The following SFI1 variants were observed in gnomAD, a reference collection of about 807,000 sequenced individuals.
SFI1 encodes the protein protein SFI1 homolog.
Under a neutral mutation model 207.5 loss-of-function variants are expected in SFI1, and 195 were observed. That is an observed-to-expected ratio of 0.94 (90% CI 0.84 to 1.06). The LOEUF (loss-of-function observed/expected upper bound fraction) is 1.06. Among genes scored for constraint, SFI1 ranks in the 50% least tolerant of loss-of-function variants. SFI1 has a pLI of 0.00. For synonymous variants in SFI1, 630 were observed against 598.9 expected (o/e 1.05, Z -0.76); for missense variants, 1,634 against 1,588.0 (o/e 1.03, Z -0.49).
intron 1 of SFI1, among the ~76,000 whole-genome samples, chr22:31,506,361 T>C (rs1440864603): frequency 2.0e-5 from 3 of 151,962 alleles, no homozygotes; most frequent in African/African-American, 7.3e-5. Flanking sequence ...AATTCTGTCT[T>C]TAAAAAAAAG....
chr22:31,528,345 G>T (rs987608657), intron 2 of SFI1, among the ~76,000 whole-genome samples: 1 of 151,672 alleles, frequency 6.6e-6, no homozygotes, highest in Admixed American at 6.6e-5. Context: ...GATCACTTGA[G>T]CCTGGGAGGT....
Position 31,618,565 on chromosome 22 carries a change from C to A in SFI1, c.*147C>A. On this transcript the variant is annotated 3_prime_UTR_variant, in exon 33 of 33. Transcript: ENST00000400288. ...TACTGTTCAGAAGTCTCCCACTTTT[C>A]ATACAAAAATACTGTGCTACTGATA... 1 of 810,580 alleles carries A rather than the reference C, an allele frequency of 1.2e-6. No homozygotes were observed. Among genetic ancestry groups the A allele is most frequent in the Non-Finnish European group, 1.8e-6 (1 of 563,376 alleles). 50.2% of individuals were successfully genotyped at this position (810,580 alleles called of 1,614,324 possible).
At chr22:31,514,027 G>A (rs2056076881) in intron 2 of SFI1, among the ~76,000 whole-genome samples, 1 of 151,678 alleles carries the variant, frequency 6.6e-6, no homozygotes, top group Admixed American at 6.6e-5. Context: ...CCAGCTACTC[G>A]GGAAGCTGAG....
In SFI1 at chr22:31,613,469, T is replaced by G. The variant is rs189598160; in HGVS notation, c.2681T>G (p.Leu894Arg). 1,168 of 1,602,492 alleles carry G rather than the reference T, an allele frequency of 7.3e-4. 12 individuals are homozygous for G. The African/African-American group carries it at 0.014, about 20-fold the overall frequency. Residue 894 changes from leucine (L) to arginine (R), a missense_variant, in exon 26 of 33, where the codon CTG becomes CGG. Leu to Arg is a moderately radical substitution (Grantham distance 102). Transcript: ENST00000400288. ...QLLQEGATRL[L>R]RFAASMKASR... Reference sequence around the variant, plus strand: ...CTCCAGGAGGGTGCCACGCGGCTCCTGCGCTTTGCAGCCAGCATGAAGGCC... The same window carrying G: ...CTCCAGGAGGGTGCCACGCGGCTCCGGCGCTTTGCAGCCAGCATGAAGGCC...
intron 12 of SFI1, among the ~76,000 whole-genome samples, chr22:31,581,594 A>G (rs2064188726): frequency 6.6e-6 from 1 of 152,074 alleles, no homozygotes; most frequent in African/African-American, 2.4e-5. Context: ...GCCCGGCCCC[A>G]ATAGGAGGCT....
chr22:31,555,764 A>G (rs1405774518), intron 6 of SFI1, among the ~76,000 whole-genome samples: 1 of 152,174 alleles, frequency 6.6e-6, no homozygotes, highest in Non-Finnish European at 1.5e-5. Context: ...CCCAAACTCT[A>G]AACCACAGCA....
chr22:31,572,300 A>T (rs750694767), intron 8 of SFI1, among the ~76,000 whole-genome samples: 1 of 152,164 alleles, frequency 6.6e-6, no homozygotes, highest in Non-Finnish European at 1.5e-5. Context: ...TAGGACATGC[A>T]TTATCACTGA....
At chr22:31,512,066 G>A (rs534793625) in intron 2 of SFI1, among the ~76,000 whole-genome samples, 1 of 152,270 alleles carries the variant, frequency 6.6e-6, no homozygotes, top group East Asian at 1.9e-4. Context: ...TTATTGGCCG[G>A]CGCAGTGGCT....
chr22:31,573,291 C>T, intron 9 of SFI1, 77 bp downstream of exon 9: 3 of 1,475,116 alleles, frequency 2.0e-6, no homozygotes, highest in Non-Finnish European at 2.7e-6. Context: ...TGGTACTGTA[C>T]TAAGAAGTAA....
intron 8 of SFI1, among the ~76,000 whole-genome samples, chr22:31,567,574 G>C (rs923252404): frequency 6.6e-6 from 1 of 151,720 alleles, no homozygotes; most frequent in East Asian, 1.9e-4. Flanking sequence ...GTGGAGGGGG[G>C]GGGTGTGTGT....
intron 1 of SFI1, among the ~76,000 whole-genome samples, chr22:31,502,122 G>A (rs998287268): frequency 6.6e-6 from 1 of 152,096 alleles, no homozygotes; most frequent in African/African-American, 2.4e-5. Flanking sequence ...GTACATATAT[G>A]TATAGCTCAC....
At chr22:31,544,354 A>G (rs1488397698) in intron 4 of SFI1, among the ~76,000 whole-genome samples, 2 of 152,172 alleles carry the variant, frequency 1.3e-5, no homozygotes, top group African/African-American at 2.4e-5. Context: ...TAGGAATATT[A>G]TTAGGCATTT....
intron 4 of SFI1, among the ~76,000 whole-genome samples, chr22:31,542,228 G>A (rs1230211918): frequency 6.6e-6 from 1 of 150,642 alleles, no homozygotes; most frequent in East Asian, 2.0e-4. Context: ...CTTTTAATGT[G>A]TATGATGTAA....
chr22:31,570,327 A>C (rs9609329), intron 8 of SFI1, among the ~76,000 whole-genome samples: 32,851 of 152,120 alleles, frequency 0.22, 4,533 homozygotes, highest in East Asian at 0.4. Context: ...TTTAGCGTCC[A>C]AGATGACTTC....
chr22:31,505,012 A>G (rs972648994), intron 1 of SFI1, among the ~76,000 whole-genome samples: 2 of 152,222 alleles, frequency 1.3e-5, no homozygotes, highest in Non-Finnish European at 2.9e-5. Context: ...TTTGGGGAAC[A>G]CAATTCAACC....
intron 9 of SFI1, among the ~76,000 whole-genome samples, chr22:31,574,196 C>T (rs1379800953): frequency 2.6e-5 from 4 of 152,208 alleles, no homozygotes; most frequent in South Asian, 2.1e-4. Flanking sequence ...TTCACCCAAA[C>T]CTCCCTGCAG....
rs1217927841 is a variant in SFI1, at chr22:31,618,133, G to C, written c.3531G>C (p.Ala1177=). Residue 1177 remains alanine, a synonymous_variant, in exon 32 of 33, where the codon GCG becomes GCC. Coordinates refer to ENST00000400288, the MANE Select transcript of SFI1 (RefSeq NM_001007467.3). ...KQNLWSCRRQ[A]SSLRRWLELN... is the part of the protein sequence containing the mutation. ...CCCTCAGGTCCTGTCGGCGGCAAGC[G>C]AGCAGCCTGCGCAGGTGGCTGGAGC... 3.5e-5 allele frequency: 55 copies of C among 1,580,358 alleles called. No homozygotes were observed. The highest frequency in any genetic ancestry group is 4.5e-5 in the Non-Finnish European group (52 of 1,165,248).
intron 8 of SFI1, among the ~76,000 whole-genome samples, chr22:31,561,744 C>T (rs971968108): frequency 6.6e-6 from 1 of 152,178 alleles, no homozygotes; most frequent in African/African-American, 2.4e-5. Flanking sequence ...AGAAAAGAAA[C>T]TTAAGACTGA....
At chr22:31,529,908 C>T (rs1391850038) in intron 3 of SFI1, among the ~76,000 whole-genome samples, 7 of 152,022 alleles carry the variant, frequency 4.6e-5, no homozygotes, top group Non-Finnish European at 1.0e-4. Context: ...TGGTGGCTCA[C>T]GCCTGTAATC....
Sources: allele counts gnomAD v4.1 joint callset (sites outside exome capture counted in the v4.1 genomes callset), GRCh38; gene constraint gnomAD v4.1.1; transcripts MANE v1.5; gene names NCBI Gene and HGNC (gene_info 2026-07-23, HGNC 2026-07-21).